The following ADCY2 variants were observed in gnomAD, a reference collection of about 807,000 sequenced individuals.
ADCY2 encodes the protein adenylate cyclase type 2.
A neutral mutation model predicts 125.2 loss-of-function variants in ADCY2; 31 were observed. The observed-to-expected ratio is 0.25, with a 90% CI of 0.19 to 0.33. The LOEUF is 0.33. ADCY2 is among the 10% of genes least tolerant of loss of function. ADCY2 has a pLI of 1.00. For missense variants in ADCY2, 904 were observed against 1,418.2 expected (o/e 0.64, Z 5.82); for synonymous variants, 512 against 548.4 (o/e 0.93, Z 0.93).
chr5:7,772,125 C>T (rs901600549), intron 17 of ADCY2, among the ~76,000 whole-genome samples: 2 of 152,120 alleles, frequency 1.3e-5, no homozygotes, highest in Non-Finnish European at 1.5e-5. Flanking sequence ...CAGTGTCATG[C>T]GGACACTGTG....
At chr5:7,465,972 G>A (rs976001905) in intron 2 of ADCY2, among the ~76,000 whole-genome samples, 5 of 152,026 alleles carry the variant, frequency 3.3e-5, no homozygotes, top group African/African-American at 7.2e-5. Flanking sequence ...AGAAAATCTT[G>A]GAAAATAAAA....
At chr5:7,653,296 G>A (rs1739161967) in intron 4 of ADCY2, among the ~76,000 whole-genome samples, 1 of 152,222 alleles carries the variant, frequency 6.6e-6, no homozygotes, top group Non-Finnish European at 1.5e-5. Context: ...ACTCTTGTGA[G>A]ATGTCAGGCA....
At chr5:7,541,317 G>T (rs993354644) in intron 3 of ADCY2, among the ~76,000 whole-genome samples, 3 of 152,216 alleles carry the variant, frequency 2.0e-5, no homozygotes, top group Non-Finnish European at 4.4e-5. Context: ...AGCAGATGGT[G>T]TGAAATGCAA....
intron 3 of ADCY2, among the ~76,000 whole-genome samples, chr5:7,570,146 C>A (rs913324220): frequency 1.3e-5 from 2 of 151,956 alleles, no homozygotes; most frequent in Non-Finnish European, 2.9e-5. Flanking sequence ...AATTTCCAAT[C>A]AGATCATAAT....
chr5:7,439,354 A>G (rs1473397055), intron 2 of ADCY2, among the ~76,000 whole-genome samples: 1 of 152,080 alleles, frequency 6.6e-6, no homozygotes, highest in Admixed American at 6.5e-5. Flanking sequence ...GTACAGGGGA[A>G]CTTCCATTTA....
At chr5:7,594,855 A>G (rs1736958320) in intron 3 of ADCY2, among the ~76,000 whole-genome samples, 1 of 152,204 alleles carries the variant, frequency 6.6e-6, no homozygotes, top group South Asian at 2.1e-4. Context: ...CTCTTAGACT[A>G]ACATCATGAA....
At chr5:7,618,287 A>G (rs1244937735) in intron 3 of ADCY2, among the ~76,000 whole-genome samples, 1 of 152,204 alleles carries the variant, frequency 6.6e-6, no homozygotes, top group African/African-American at 2.4e-5. Flanking sequence ...TGATTCAGTC[A>G]TAATCAGCGG....
chr5:7,440,806 G>A (rs540392037), intron 2 of ADCY2, among the ~76,000 whole-genome samples: 23 of 152,266 alleles, frequency 1.5e-4, no homozygotes, highest in Non-Finnish European at 2.6e-4. Context: ...TAACCATGTC[G>A]GATAAGCCAG....
intron 2 of ADCY2, among the ~76,000 whole-genome samples, chr5:7,449,114 T>C (rs1046730260): frequency 6.6e-6 from 1 of 152,174 alleles, no homozygotes; most frequent in Admixed American, 6.5e-5. Flanking sequence ...AGCGTTTTTT[T>C]CCCTCTGCAA....
At chr5:7,792,974 C>T (rs543731031) in intron 20 of ADCY2, among the ~76,000 whole-genome samples, 1 of 152,320 alleles carries the variant, frequency 6.6e-6, no homozygotes, top group Admixed American at 6.5e-5. Context: ...GTGGGATACG[C>T]ATGAGAGGGA....
chr5:7,554,720 A>G (rs1475658798), intron 3 of ADCY2, among the ~76,000 whole-genome samples: 4 of 152,180 alleles, frequency 2.6e-5, no homozygotes, highest in Non-Finnish European at 5.9e-5. Flanking sequence ...TTGCAGGTCA[A>G]GTGTCAGGCT....
intron 3 of ADCY2, among the ~76,000 whole-genome samples, chr5:7,596,574 T>C (rs992541398): frequency 6.6e-6 from 1 of 152,218 alleles, no homozygotes; most frequent in Admixed American, 6.5e-5. Context: ...GGAGTCAGGC[T>C]GTGCAGTTCC....
At chr5:7,773,432 C>T (rs890895896) in intron 18 of ADCY2, among the ~76,000 whole-genome samples, 6 of 152,104 alleles carry the variant, frequency 3.9e-5, no homozygotes, top group Non-Finnish European at 7.3e-5. Flanking sequence ...TTGCGGGCGC[C>T]GTCCTGTGCG....
chr5:7,533,599 C>T (rs181824303), intron 3 of ADCY2, among the ~76,000 whole-genome samples: 2 of 152,126 alleles, frequency 1.3e-5, no homozygotes, highest in African/African-American at 4.8e-5. Flanking sequence ...TGTGGCTATA[C>T]ATTTTTCTTC....
In ADCY2 at chr5:7,577,979, A is replaced by G. The variant is rs567964034; in HGVS notation, c.571-48188A>G. On this transcript the variant is annotated intron_variant, in intron 3 of 24. Coordinates refer to ENST00000338316, the MANE Select transcript of ADCY2 (RefSeq NM_020546.3). ...TCTTAACCCTATAACTGTTATAGCT[A>G]AGGCAGGAGGGCTGGTGGGAACACA... Among the ~76,000 whole-genome samples the G allele has an allele frequency of 5.9e-5, 9 of 152,234 alleles. No homozygotes were observed. The South Asian group carries it at 1.0e-3, about 18-fold the overall frequency.
At chr5:7,493,827 T>A (rs1324824879) in intron 2 of ADCY2, among the ~76,000 whole-genome samples, 1 of 152,164 alleles carries the variant, frequency 6.6e-6, no homozygotes, top group Non-Finnish European at 1.5e-5. Context: ...GTCTTCCATC[T>A]CTAGCAACCC....
chr5:7,402,742 A>G (rs771674818), intron 1 of ADCY2, among the ~76,000 whole-genome samples: 21 of 152,238 alleles, frequency 1.4e-4, no homozygotes, highest in Non-Finnish European at 2.6e-4. Context: ...GGCAATTAAA[A>G]TATGTTGAGT....
At chr5:7,621,608 A>G (rs904692713) in intron 3 of ADCY2, among the ~76,000 whole-genome samples, 3 of 152,210 alleles carry the variant, frequency 2.0e-5, no homozygotes, top group Non-Finnish European at 4.4e-5. Flanking sequence ...AAATAATAAA[A>G]CAAGTCCATT....
chr5:7,765,788 A>G (rs1376718544), intron 16 of ADCY2, among the ~76,000 whole-genome samples: 1 of 152,176 alleles, frequency 6.6e-6, no homozygotes, highest in Non-Finnish European at 1.5e-5. Context: ...GATGAGATTA[A>G]TTTCTTTCAG....
Sources: allele counts gnomAD v4.1 joint callset (sites outside exome capture counted in the v4.1 genomes callset), GRCh38; gene constraint gnomAD v4.1.1; transcripts MANE v1.5; gene names NCBI Gene and HGNC (gene_info 2026-07-23, HGNC 2026-07-21).